The following ALDH9A1 variants were observed in gnomAD, a reference collection of about 807,000 sequenced individuals.
ALDH9A1 encodes 4-trimethylaminobutyraldehyde dehydrogenase.
ALDH9A1 carries 42 observed loss-of-function variants against 56.6 expected under a neutral mutation model. The ratio of observed to expected loss-of-function variants is 0.74; its 90% CI spans 0.58 to 0.96. The LOEUF is 0.96. Ranked by LOEUF, ALDH9A1 falls within the 40% of genes least tolerant of loss-of-function variation. ALDH9A1 has a pLI of 0.00. For missense variants in ALDH9A1, 661 were observed against 651.5 expected (o/e 1.01, Z -0.16); for synonymous variants, 242 against 236.0 (o/e 1.03, Z -0.23).
chr1:165,693,053 C>T (rs1332550406), intron 2 of ALDH9A1, among the ~76,000 whole-genome samples: 2 of 151,912 alleles, frequency 1.3e-5, no homozygotes, highest in South Asian at 2.1e-4. Context: ...ACACCTTATA[C>T]AAAAATTAAT....
chr1:165,663,913 T>C (rs1407733476), intron 10 of ALDH9A1, among the ~76,000 whole-genome samples: 2 of 152,252 alleles, frequency 1.3e-5, no homozygotes, highest in Non-Finnish European at 2.9e-5. Context: ...CGTCTGGCCA[T>C]CTTTCTCGCT....
chr1:165,690,880 C>A lies in ALDH9A1; in HGVS notation c.327+4372G>T, dbSNP rs1013255458. ...GCCAGGAAGCTCGAACCGAGTGGAGCCCACCACAGCTCAAGGAGGCCTGCC... is the reference window on the plus strand; with the variant it reads ...GCCAGGAAGCTCGAACCGAGTGGAGACCACCACAGCTCAAGGAGGCCTGCC... On this transcript the variant is annotated intron_variant, in intron 2 of 10. Transcript: ENST00000354775. Among the ~76,000 whole-genome samples, 42 of 152,324 alleles carry A rather than the reference C, an allele frequency of 2.8e-4. No individual in the cohort carries two copies. In the East Asian group the frequency reaches 7.9e-3, roughly 29 times the overall value.
At chr1:165,695,487 CTTTTTTTT>C (rs34894576) in intron 1 of ALDH9A1, 90 bp from the exon 2 acceptor site, 20 of 338,078 alleles carry the variant, frequency 5.9e-5, no homozygotes, top group Non-Finnish European at 7.9e-5. Context: ...TAGTAGTAGT[CTTTTTTTT>C]TTTTTTTTTT....
At chr1:165,678,379 A>G (rs112550614) in intron 6 of ALDH9A1, among the ~76,000 whole-genome samples, 2,411 of 152,206 alleles carry the variant, frequency 0.016, 66 homozygotes, top group African/African-American at 0.054. Context: ...TAAATAAATA[A>G]TGATAGTATT....
At chr1:165,684,473 C>A (rs1306827691) in intron 2 of ALDH9A1, among the ~76,000 whole-genome samples, 1 of 152,024 alleles carries the variant, frequency 6.6e-6, no homozygotes, top group Non-Finnish European at 1.5e-5. Context: ...GTATGCTGAC[C>A]CTAGAAAGAG....
chr1:165,683,052 TC>T lies in ALDH9A1; in HGVS notation c.385del (p.Glu129ArgfsTer49). The T allele has an allele frequency of 6.2e-7, 1 of 1,614,084 alleles. No homozygotes were observed. Among genetic ancestry groups the T allele is most frequent in the Non-Finnish European group, 8.5e-7 (1 of 1,179,974 alleles). On this transcript the variant is annotated frameshift_variant, in exon 3 of 11. Transcript: ENST00000354775. LOFTEE classifies it high-confidence loss of function. ...ECINNGKSIF[E>X]ARLDIDISWQ... Reference sequence around the variant, plus strand: ...GGAAATGTCAATGTCCAAGCGGGCCTCAAAGATGGACTTGCCATTGTTGATG... The same window carrying T: ...GGAAATGTCAATGTCCAAGCGGGCCTAAAGATGGACTTGCCATTGTTGATG...
intron 1 of ALDH9A1, among the ~76,000 whole-genome samples, chr1:165,696,530 A>C (rs1255419096): frequency 2.6e-5 from 4 of 152,224 alleles, no homozygotes; most frequent in Admixed American, 2.6e-4. Context: ...ATAAGCAGTA[A>C]TATCAGGATA....
intron 6 of ALDH9A1, among the ~76,000 whole-genome samples, chr1:165,678,234 T>C (rs530944029): frequency 1.5e-3 from 217 of 149,556 alleles, no homozygotes; most frequent in African/African-American, 5.1e-3. Context: ...CTCAGGAGGC[T>C]GAGGCGGGGG....
chr1:165,663,707 A>G (rs1648913937), intron 10 of ALDH9A1, among the ~76,000 whole-genome samples: 1 of 152,182 alleles, frequency 6.6e-6, no homozygotes, highest in Non-Finnish European at 1.5e-5. Flanking sequence ...CTGCCTGTAC[A>G]CCCTGTGCTA....
intron 2 of ALDH9A1, among the ~76,000 whole-genome samples, chr1:165,692,171 C>T (rs1317366701): frequency 6.6e-6 from 1 of 152,182 alleles, no homozygotes; most frequent in Admixed American, 6.5e-5. Context: ...GACATGAATG[C>T]CCTCTCTCAC....
chr1:165,672,972 AACACACACACACACACACACACACACAC>A (rs67363579), intron 6 of ALDH9A1, among the ~76,000 whole-genome samples: 1 of 124,226 alleles, frequency 8.0e-6, no homozygotes, highest in African/African-American at 3.1e-5. Flanking sequence ...AAAAAATACA[AACACACACACACACACACACACACACAC>A]ACACACACAC....
chr1:165,692,946 G>C (rs78808290), intron 2 of ALDH9A1, among the ~76,000 whole-genome samples: 104,992 of 151,316 alleles, frequency 0.69, 36,733 homozygotes, highest in East Asian at 0.98. Flanking sequence ...ACAAACCTGA[G>C]AAAAACAAGA....
Position 165,698,549 on chromosome 1 carries a change from G to T in ALDH9A1, c.10C>A (p.Arg4=), listed in dbSNP as rs756318964. 6.2e-7 allele frequency: 1 copy of T among 1,605,086 alleles called. No homozygotes were observed. Among genetic ancestry groups the T allele is most frequent in the Non-Finnish European group, 8.5e-7 (1 of 1,177,336 alleles). MFL[R]AGLAALSPLL... is the part of the protein sequence containing the mutation. The stretch of plus-strand genomic sequence containing the variant: ...GGGGAGAGCGCGGCCAGGCCTGCTC[G>T]GAGAAACATGAGTGGCGGACGCAGC... Residue 4 remains arginine (R), a synonymous_variant, in exon 1 of 11, where the codon CGA becomes AGA. Coordinates refer to ENST00000354775, the MANE Select transcript of ALDH9A1 (RefSeq NM_000696.4).
In ALDH9A1 at chr1:165,680,477, T is replaced by A. The variant is rs377272939; in HGVS notation, c.789+10A>T. ...CCATGTGTGTTGACCAATACTGGTT[T>A]TGTCCTCACCTTCATGCCAGTGGGC... On this transcript the variant is annotated intron_variant, in intron 5 of 10. Transcript: ENST00000354775. 380 of 1,613,432 alleles carry A rather than the reference T, an allele frequency of 2.4e-4. 1 individual carries two copies. Among genetic ancestry groups the A allele is most frequent in the Non-Finnish European group, 2.4e-4 (284 of 1,179,866 alleles).
At chr1:165,676,988 C>T (rs951027068) in intron 6 of ALDH9A1, among the ~76,000 whole-genome samples, 4 of 152,120 alleles carry the variant, frequency 2.6e-5, no homozygotes, top group African/African-American at 9.7e-5. Context: ...ACAAATTACT[C>T]AACTGGTTAG....
intron 2 of ALDH9A1, among the ~76,000 whole-genome samples, chr1:165,684,833 A>G (rs899813958): frequency 3.3e-5 from 5 of 152,202 alleles, no homozygotes; most frequent in African/African-American, 1.2e-4. Flanking sequence ...ATTTACTAAG[A>G]GAATAGAAAC....
chr1:165,698,513 T>G lies in ALDH9A1; in HGVS notation c.46A>C (p.Ser16Arg). ...GCGGCGACAGGAGAGGGCCGAAGAC[T>G]GCGAAGAAGCGGGGAGAGCGCGGCC... ...GLAALSPLLR[S>R]LRPSPVAAMS... Residue 16 changes from serine (S) to arginine (R), a missense_variant, in exon 1 of 11, where the codon AGT becomes CGT. By Grantham distance (110) the Ser-to-Arg change is moderately radical (BLOSUM62 -1). Transcript: ENST00000354775. 1.9e-6 allele frequency: 3 copies of G among 1,610,312 alleles called. No homozygotes were observed. Among genetic ancestry groups the G allele is most frequent in the Non-Finnish European group, 2.5e-6 (3 of 1,178,750 alleles).
intron 6 of ALDH9A1, among the ~76,000 whole-genome samples, chr1:165,670,475 C>T (rs1649142109): frequency 6.6e-6 from 1 of 151,376 alleles, no homozygotes; most frequent in African/African-American, 2.4e-5. Context: ...TCCTCTAAAA[C>T]CTAGGTGTAG....
chr1:165,679,328 TTG>T (rs1649468090), intron 6 of ALDH9A1, 112 bp downstream of exon 6: 10 of 1,229,290 alleles, frequency 8.1e-6, no homozygotes, highest in Non-Finnish European at 1.1e-5. Context: ...TTTGTACTAT[TTG>T]TGCAACTTTT....
Sources: allele counts gnomAD v4.1 joint callset (sites outside exome capture counted in the v4.1 genomes callset), GRCh38; gene constraint gnomAD v4.1.1; transcripts MANE v1.5; gene names NCBI Gene and HGNC (gene_info 2026-07-23, HGNC 2026-07-21).